Variants in GRIN3A observed in about 807,000 individuals in gnomAD.
GRIN3A encodes the protein glutamate receptor ionotropic, NMDA 3A.
Under a neutral mutation model 92.4 loss-of-function variants are expected in GRIN3A, and 47 were observed. The ratio of observed to expected loss-of-function variants is 0.51; its 90% CI spans 0.40 to 0.65. GRIN3A has a LOEUF of 0.65. Among genes scored for constraint, GRIN3A ranks in the 30% least tolerant of loss-of-function variants. GRIN3A has a pLI of 0.00. For synonymous variants in GRIN3A, 527 were observed against 540.6 expected, an observed-to-expected ratio of 0.97 and a Z score of 0.35; for missense variants, 1,324 against 1,393.1, an observed-to-expected ratio of 0.95 and a Z score of 0.79.
At chr9:101,705,126 G>C (rs1829797138) in intron 1 of GRIN3A, among the ~76,000 whole-genome samples, 1 of 152,046 alleles carries the variant, frequency 6.6e-6, no homozygotes, top group Non-Finnish European at 1.5e-5. Context: ...CTGTTTTTGT[G>C]CCCAAAAGTT....
At chr9:101,724,301 G>A (rs1375060564) in intron 1 of GRIN3A, among the ~76,000 whole-genome samples, 1 of 152,286 alleles carries the variant, frequency 6.6e-6, no homozygotes, top group Admixed American at 6.5e-5. Flanking sequence ...CAAGCGCAGC[G>A]CCGGTGGGCT....
Position 101,628,285 on chromosome 9 carries a change from T to C in GRIN3A, c.2469A>G (p.Pro823=), listed in dbSNP as rs566915122. 6.2e-7 allele frequency: 1 copy of C among 1,613,954 alleles called. No homozygotes were observed. Among genetic ancestry groups the C allele is most frequent in the Non-Finnish European group, 8.5e-7 (1 of 1,179,866 alleles). Residue 823 remains proline (P), a synonymous_variant, in exon 4 of 9, where the codon CCA becomes CCG. Transcript: ENST00000361820. ...MHEYMRRYNV[P]ATPDGVEYLK... Reference sequence around the variant, plus strand: ...GATACTCCACTCCATCAGGGGTGGCTGGAACATTGTACCTTCTCATATATT... The same window carrying C: ...GATACTCCACTCCATCAGGGGTGGCCGGAACATTGTACCTTCTCATATATT...
At chr9:101,664,585 G>A (rs1265925471) in intron 3 of GRIN3A, among the ~76,000 whole-genome samples, 1 of 151,852 alleles carries the variant, frequency 6.6e-6, no homozygotes, top group Non-Finnish European at 1.5e-5. Context: ...AGAGCAGCCA[G>A]GTACAAGATT....
chr9:101,654,216 G>A (rs186232865), intron 3 of GRIN3A, among the ~76,000 whole-genome samples: 309 of 151,476 alleles, frequency 2.0e-3, no homozygotes, highest in African/African-American at 6.8e-3. Context: ...GACTGAAGAG[G>A]AGGCATTTTA....
At chr9:101,687,225 A>G (rs1377802588) in intron 1 of GRIN3A, 25 bp from the exon 2 acceptor site, 1 of 1,612,902 alleles carries the variant, frequency 6.2e-7, no homozygotes, top group Non-Finnish European at 8.5e-7. Flanking sequence ...ATGAAAAAGA[A>G]GAATTAGAAA....
At chr9:101,620,371 C>G (rs986015530) in intron 5 of GRIN3A, among the ~76,000 whole-genome samples, 29 of 152,214 alleles carry the variant, frequency 1.9e-4, no homozygotes, top group African/African-American at 7.0e-4. Flanking sequence ...ACTTCATGAC[C>G]TAATACCATC....
At chr9:101,694,415 A>G (rs184758587) in intron 1 of GRIN3A, among the ~76,000 whole-genome samples, 1 of 152,208 alleles carries the variant, frequency 6.6e-6, no homozygotes, top group African/African-American at 2.4e-5. Flanking sequence ...AGTGTCGGGC[A>G]TAACAGGTTG....
intron 3 of GRIN3A, among the ~76,000 whole-genome samples, chr9:101,640,140 A>G (rs867692363): frequency 3.4e-4 from 52 of 152,286 alleles, no homozygotes; most frequent in African/African-American, 1.2e-3. Context: ...CATATACCAT[A>G]TATACTATAT....
chr9:101,589,508 T>G (rs1827995947), intron 6 of GRIN3A, among the ~76,000 whole-genome samples: 1 of 152,204 alleles, frequency 6.6e-6, no homozygotes, highest in Non-Finnish European at 1.5e-5. Flanking sequence ...TAATTTGTAT[T>G]TATTGAATTA....
chr9:101,699,426 T>C (rs759077605), intron 1 of GRIN3A, among the ~76,000 whole-genome samples: 1 of 152,152 alleles, frequency 6.6e-6, no homozygotes, highest in South Asian at 2.1e-4. Context: ...ATAAACAGTA[T>C]AGTAAATACT....
intron 6 of GRIN3A, among the ~76,000 whole-genome samples, chr9:101,585,815 A>G (rs1384410068): frequency 6.6e-6 from 1 of 152,112 alleles, no homozygotes; most frequent in Non-Finnish European, 1.5e-5. Flanking sequence ...AGTGAGAATG[A>G]CTGTCATGTC....
At chr9:101,704,872 G>A (rs1003686931) in intron 1 of GRIN3A, among the ~76,000 whole-genome samples, 1 of 152,144 alleles carries the variant, frequency 6.6e-6, no homozygotes, top group Non-Finnish European at 1.5e-5. Context: ...ATTTTATAGT[G>A]TGTGTATTGG....
chr9:101,575,175 C>T (rs1437745323), intron 8 of GRIN3A, among the ~76,000 whole-genome samples: 1 of 152,186 alleles, frequency 6.6e-6, no homozygotes, highest in Non-Finnish European at 1.5e-5. Flanking sequence ...TAACATGCCT[C>T]ATAGTCTAAG....
At chr9:101,653,005 A>G (rs550030839) in intron 3 of GRIN3A, among the ~76,000 whole-genome samples, 8 of 152,098 alleles carry the variant, frequency 5.3e-5, no homozygotes, top group African/African-American at 1.9e-4. Flanking sequence ...GACTCAGCCC[A>G]AGGAGATTTT....
intron 1 of GRIN3A, among the ~76,000 whole-genome samples, chr9:101,692,446 C>A (rs1829631627): frequency 1.3e-5 from 2 of 152,142 alleles, no homozygotes; most frequent in Non-Finnish European, 2.9e-5. Context: ...GGATTGCCTG[C>A]AGGAAAGAGT....
At chr9:101,724,301 G>T (rs1375060564) in intron 1 of GRIN3A, among the ~76,000 whole-genome samples, 1 of 152,168 alleles carries the variant, frequency 6.6e-6, no homozygotes, top group African/African-American at 2.4e-5. Context: ...CAAGCGCAGC[G>T]CCGGTGGGCT....
chr9:101,721,631 C>G (rs1830014215), intron 1 of GRIN3A, among the ~76,000 whole-genome samples: 1 of 152,086 alleles, frequency 6.6e-6, no homozygotes, highest in African/African-American at 2.4e-5. Context: ...ACAATAAGGT[C>G]CAGGCTGAGG....
intron 1 of GRIN3A, among the ~76,000 whole-genome samples, chr9:101,693,906 T>C (rs1269458763): frequency 6.6e-6 from 1 of 152,220 alleles, no homozygotes; most frequent in Admixed American, 6.5e-5. Flanking sequence ...CTGAATTTCA[T>C]GGTCAAAATT....
chr9:101,717,647 G>A (rs1829963883), intron 1 of GRIN3A, among the ~76,000 whole-genome samples: 1 of 152,172 alleles, frequency 6.6e-6, no homozygotes, highest in Admixed American at 6.5e-5. Flanking sequence ...CTTTCTCACT[G>A]ATGATTATTT....
Sources: allele counts gnomAD v4.1 joint callset (sites outside exome capture counted in the v4.1 genomes callset), GRCh38; gene constraint gnomAD v4.1.1; transcripts MANE v1.5; gene names NCBI Gene and HGNC (gene_info 2026-07-23, HGNC 2026-07-21).